The following HHAT variants were observed in gnomAD, a reference collection of about 807,000 sequenced individuals.
HHAT encodes the protein protein-cysteine N-palmitoyltransferase HHAT.
In HHAT, 47 loss-of-function variants were observed where a neutral mutation model predicts 70.8. The ratio of observed to expected loss-of-function variants is 0.66; its 90% CI spans 0.53 to 0.85. The LOEUF (loss-of-function observed/expected upper bound fraction) is 0.85, where lower values mean the gene tolerates loss of function less well. Among genes scored for constraint, HHAT ranks in the 40% least tolerant of loss-of-function variants. The pLI is 0.00. For synonymous variants in HHAT, 228 were observed against 247.6 expected, an observed-to-expected ratio of 0.92 and a Z score of 0.74; for missense variants, 609 against 604.8, an observed-to-expected ratio of 1.01 and a Z score of -0.07.
chr1:210,528,169 G>C (rs768497138), intron 9 of HHAT, among the ~76,000 whole-genome samples: 6 of 152,278 alleles, frequency 3.9e-5, no homozygotes, highest in East Asian at 3.9e-4. Flanking sequence ...GAGAGAGAGA[G>C]ACACATGGTC....
At chr1:210,493,035 A>G (rs899828832) in intron 8 of HHAT, among the ~76,000 whole-genome samples, 1 of 152,062 alleles carries the variant, frequency 6.6e-6, no homozygotes, top group African/African-American at 2.4e-5. Context: ...TTTACAAAAT[A>G]TCAGCAGTTG....
intron 11 of HHAT, among the ~76,000 whole-genome samples, chr1:210,624,631 C>G (rs1407109615): frequency 6.6e-6 from 1 of 152,176 alleles, no homozygotes; most frequent in Admixed American, 6.5e-5. Flanking sequence ...AAAGCAAAAC[C>G]ATACTTGCAG....
intron 11 of HHAT, among the ~76,000 whole-genome samples, chr1:210,668,490 C>T (rs999091837): frequency 3.3e-5 from 5 of 152,180 alleles, no homozygotes; most frequent in Non-Finnish European, 5.9e-5. Flanking sequence ...TTATAAAGGG[C>T]AGTTCCCCCG....
intron 10 of HHAT, among the ~76,000 whole-genome samples, chr1:210,606,231 C>T (rs541542542): frequency 5.3e-5 from 8 of 152,178 alleles, no homozygotes; most frequent in African/African-American, 1.9e-4. Flanking sequence ...GACCTACTCC[C>T]TATTTTTCCT....
At chr1:210,653,161 C>T (rs1402547177) in intron 11 of HHAT, among the ~76,000 whole-genome samples, 1 of 147,382 alleles carries the variant, frequency 6.8e-6, no homozygotes, top group Non-Finnish European at 1.5e-5. Flanking sequence ...ATACATGGGA[C>T]AATTCCCAAG....
chr1:210,370,706 C>G (rs1168943334), intron 3 of HHAT, among the ~76,000 whole-genome samples: 1 of 150,338 alleles, frequency 6.7e-6, no homozygotes, highest in Admixed American at 6.6e-5. Context: ...CCTCCGCCTC[C>G]CGGGTTCAAG....
At chr1:210,370,375 A>G (rs1396894210) in intron 3 of HHAT, among the ~76,000 whole-genome samples, 4 of 151,614 alleles carry the variant, frequency 2.6e-5, no homozygotes, top group African/African-American at 4.8e-5. Context: ...GAGTTTCACT[A>G]TGTTGGCCAG....
chr1:210,667,228 C>T (rs555637475), intron 11 of HHAT, among the ~76,000 whole-genome samples: 8 of 151,956 alleles, frequency 5.3e-5, no homozygotes, highest in Non-Finnish European at 1.0e-4. Context: ...ACTAAAAATA[C>T]ACAATTAGCT....
At chr1:210,500,815 G>C (rs1484139084) in intron 8 of HHAT, among the ~76,000 whole-genome samples, 2 of 152,188 alleles carry the variant, frequency 1.3e-5, no homozygotes, top group Non-Finnish European at 2.9e-5. Flanking sequence ...CCCCTTATCA[G>C]TCACCAACTC....
chr1:210,423,094 A>G (rs1380089783), intron 7 of HHAT, among the ~76,000 whole-genome samples: 1 of 152,220 alleles, frequency 6.6e-6, no homozygotes, highest in Non-Finnish European at 1.5e-5. Flanking sequence ...CAGTACTGGG[A>G]TTGCTGGATC....
intron 7 of HHAT, among the ~76,000 whole-genome samples, chr1:210,449,053 C>T (rs1355057615): frequency 7.7e-6 from 1 of 129,684 alleles, no homozygotes; most frequent in Non-Finnish European, 1.7e-5. Context: ...ATGCATGACA[C>T]ACACAACCAC....
chr1:210,365,166 T>C (rs2088786587), intron 3 of HHAT, among the ~76,000 whole-genome samples: 1 of 152,206 alleles, frequency 6.6e-6, no homozygotes, highest in Admixed American at 6.5e-5. Flanking sequence ...AAGCACATGC[T>C]ATTTTGGTCC....
intron 9 of HHAT, among the ~76,000 whole-genome samples, chr1:210,586,391 G>A (rs1028307947): frequency 6.6e-6 from 1 of 152,112 alleles, no homozygotes; most frequent in Admixed American, 6.5e-5. Flanking sequence ...GGTAAGCTGT[G>A]ACTGCACCAC....
At chr1:210,623,503 C>G in intron 10 of HHAT, 23 bp from the exon 11 acceptor site, 1 of 1,613,488 alleles carries the variant, frequency 6.2e-7, no homozygotes, top group South Asian at 1.1e-5. Flanking sequence ...TCATGAGATG[C>G]TTTCTTGCCA....
chr1:210,601,968 A>AGT (rs1316112689), intron 10 of HHAT, among the ~76,000 whole-genome samples: 1 of 35,698 alleles, frequency 2.8e-5, no homozygotes, highest in African/African-American at 5.7e-5. Flanking sequence ...TATGTGTGTG[A>AGT]GAGTGTGTGT....
chr1:210,552,357 G>A (rs1231666047), intron 9 of HHAT, among the ~76,000 whole-genome samples: 2 of 152,180 alleles, frequency 1.3e-5, no homozygotes, highest in Non-Finnish European at 2.9e-5. Flanking sequence ...TCCGATTTGT[G>A]TCCTTCTGAG....
chr1:210,512,700 A>ATG (rs927097577), intron 8 of HHAT, among the ~76,000 whole-genome samples: 4 of 149,312 alleles, frequency 2.7e-5, no homozygotes, highest in East Asian at 2.0e-4. Flanking sequence ...ACCCATATAT[A>ATG]TGTGTGTGTG....
intron 8 of HHAT, among the ~76,000 whole-genome samples, chr1:210,507,400 G>A (rs374421158): frequency 1.5e-3 from 191 of 126,708 alleles, no homozygotes; most frequent in African/African-American, 5.0e-3. Flanking sequence ...TTGCTTTGTC[G>A]CCCAGGCTGG....
intron 10 of HHAT, among the ~76,000 whole-genome samples, chr1:210,603,013 TC>T (rs1351499415): frequency 7.2e-5 from 11 of 152,180 alleles, no homozygotes; most frequent in Admixed American, 7.2e-4. Context: ...CATGACTGAG[TC>T]GGCTATCTGA....
Sources: allele counts gnomAD v4.1 joint callset (sites outside exome capture counted in the v4.1 genomes callset), GRCh38; gene constraint gnomAD v4.1.1; transcripts MANE v1.5; gene names NCBI Gene and HGNC (gene_info 2026-07-23, HGNC 2026-07-21).